Variants in COL4A1 observed in about 807,000 individuals in gnomAD.
COL4A1 encodes collagen alpha-1(IV) chain.
A neutral mutation model predicts 216.6 loss-of-function variants in COL4A1; 40 were observed. That is an observed-to-expected ratio of 0.18 (90% CI 0.14 to 0.24). The LOEUF (loss-of-function observed/expected upper bound fraction) is 0.24. COL4A1 is among the 10% of genes least tolerant of loss of function. The pLI is 1.00. For synonymous variants in COL4A1, 839 were observed against 810.7 expected, an observed-to-expected ratio of 1.03 and a Z score of -0.59; for missense variants, 1,628 against 2,196.8, an observed-to-expected ratio of 0.74 and a Z score of 5.18.
intron 12 of COL4A1, among the ~76,000 whole-genome samples, chr13:110,208,079 T>A (rs1326865354): frequency 6.6e-6 from 1 of 152,234 alleles, no homozygotes; most frequent in Non-Finnish European, 1.5e-5. Context: ...TGGTTGTAAT[T>A]GCCTCCACCA....
chr13:110,262,596 A>G (rs977085187), intron 1 of COL4A1, among the ~76,000 whole-genome samples: 8 of 152,218 alleles, frequency 5.3e-5, no homozygotes, highest in Non-Finnish European at 1.0e-4. Context: ...AGTGCTTTTC[A>G]TCCCACATTC....
chr13:110,228,169 C>A (rs576233218), intron 2 of COL4A1, among the ~76,000 whole-genome samples: 33 of 151,070 alleles, frequency 2.2e-4, no homozygotes, highest in Non-Finnish European at 3.7e-4. Flanking sequence ...TAAAATCACC[C>A]ACATGCTTCC....
At chr13:110,197,521 T>G (rs891995429) in intron 21 of COL4A1, among the ~76,000 whole-genome samples, 2 of 152,152 alleles carry the variant, frequency 1.3e-5, no homozygotes, top group African/African-American at 2.4e-5. Flanking sequence ...TATTTTATCT[T>G]CATTTCCCAT....
chr13:110,242,960 TC>T lies in COL4A1; in HGVS notation c.85-227del, dbSNP rs146789274. Among the ~76,000 whole-genome samples the T allele has an allele frequency of 0.22, 33,792 of 152,100 alleles. 4,333 individuals carry two copies. The highest frequency in any genetic ancestry group is 0.35 in the African/African-American group (14,355 of 41,452). On this transcript the variant is annotated intron_variant, in intron 1 of 51. Transcript: ENST00000375820. ...AAAAAAAATCCTTGAGTAGAACAAATCCCAAGTGTTACTCAGCCCAAAAAGT... is the reference window on the plus strand; with the variant it reads ...AAAAAAAATCCTTGAGTAGAACAAATCCAAGTGTTACTCAGCCCAAAAAGT...
intron 41 of COL4A1, among the ~76,000 whole-genome samples, 192 bp from the exon 42 acceptor site, chr13:110,170,924 C>A (rs1000150998): frequency 6.6e-6 from 1 of 152,204 alleles, no homozygotes; most frequent in African/African-American, 2.4e-5. Context: ...CACTAGAATC[C>A]GACCATGGCC....
At chr13:110,208,725 G>A in intron 12 of COL4A1, 124 bp downstream of exon 12, 1 of 929,164 alleles carries the variant, frequency 1.1e-6, no homozygotes, top group Non-Finnish European at 1.8e-6. Context: ...ACTACCAAAT[G>A]CAAGAACATG....
At position 110,152,477 on chromosome 13, in the gene COL4A1, G is replaced by A. The variant is rs753054366; in HGVS notation, c.4785C>T (p.Gly1595=). 37 of 1,613,268 alleles carry A rather than the reference G, an allele frequency of 2.3e-5. No homozygotes were observed. Among genetic ancestry groups the A allele is most frequent in the Middle Eastern group, 1.7e-4 (1 of 6,004 alleles). ...AGGAGCCGGGGGACGCCAGGGCTTG[G>A]CCAGAGCCTTCTGCACCAGCGCTGG... ...MHTSAGAEGS[G]QALASPGSCL... is the part of the protein sequence containing the mutation. Residue 1595 remains glycine (G), a synonymous_variant, in exon 51 of 52, where the codon GGC becomes GGT. Transcript: ENST00000375820.
At chr13:110,160,421 G>A (rs1281806182) in intron 49 of COL4A1, among the ~76,000 whole-genome samples, 1 of 88,200 alleles carries the variant, frequency 1.1e-5, no homozygotes, top group Non-Finnish European at 2.2e-5. Context: ...CCGCAGTCCG[G>A]CCTGGGTGAC....
Position 110,177,030 on chromosome 13 carries a change from A to G in COL4A1, c.2724T>C (p.His908=), listed in dbSNP as rs749749020. 39 of 1,613,854 alleles carry G rather than the reference A, an allele frequency of 2.4e-5. No homozygotes were observed. Among genetic ancestry groups the G allele is most frequent in the Non-Finnish European group, 2.8e-5 (33 of 1,180,022 alleles). Residue 908 remains histidine (H), a synonymous_variant, in exon 34 of 52, where the codon CAT becomes CAC. Coordinates refer to ENST00000375820, the MANE Select transcript of COL4A1 (RefSeq NM_001845.6). ...APGLPGEKGD[H]GFPGSSGPRG... ...TGGGTCCTGAGGAGCCCGGAAAGCCATGGTCCCCTGCAGAGGAAAGAGAAG... is the reference window on the plus strand; with the variant it reads ...TGGGTCCTGAGGAGCCCGGAAAGCCGTGGTCCCCTGCAGAGGAAAGAGAAG...
In COL4A1 at chr13:110,209,354, A is replaced by T. The variant is rs780536526; in HGVS notation, c.651+38T>A. On this transcript the variant is annotated intron_variant, in intron 11 of 51. Coordinates refer to ENST00000375820, the MANE Select transcript of COL4A1 (RefSeq NM_001845.6). ...TATAGCAATTTCATGATAGCCTTAT[A>T]CTAATGCCAAAGAACAAAAAATGAA... 19 of 1,597,858 alleles carry T rather than the reference A, an allele frequency of 1.2e-5. No homozygotes were observed. In the South Asian group the frequency reaches 2.1e-4, roughly 18 times the overall value.
intron 41 of COL4A1, among the ~76,000 whole-genome samples, chr13:110,171,141 C>G (rs1877625105): frequency 2.6e-5 from 4 of 152,232 alleles, no homozygotes; most frequent in Admixed American, 2.6e-4. Flanking sequence ...ACTACTCAGC[C>G]ATAGAAAGAA....
At chr13:110,267,056 C>T (rs140226420) in intron 1 of COL4A1, among the ~76,000 whole-genome samples, 1 of 152,288 alleles carries the variant, frequency 6.6e-6, no homozygotes, top group Non-Finnish European at 1.5e-5. Context: ...AAATGTGAAG[C>T]AAGCCTTTTT....
At chr13:110,236,719 T>C (rs2139238604) in intron 2 of COL4A1, among the ~76,000 whole-genome samples, 1 of 152,356 alleles carries the variant, frequency 6.6e-6, no homozygotes, top group East Asian at 1.9e-4. Context: ...AGGCAGGGGC[T>C]GTGGGGTGAC....
At chr13:110,250,752 G>A (rs1295198706) in intron 1 of COL4A1, among the ~76,000 whole-genome samples, 3 of 152,182 alleles carry the variant, frequency 2.0e-5, no homozygotes, top group South Asian at 4.1e-4. Context: ...GACCTGGGGC[G>A]AGCCTTCCCG....
At position 110,207,311 on chromosome 13, in the gene COL4A1, G is replaced by T; in HGVS notation, c.780+92C>A. 8.9e-7 allele frequency: 1 copy of T among 1,126,172 alleles called. No individual in the cohort carries two copies. Among genetic ancestry groups the T allele is most frequent in the Non-Finnish European group, 1.4e-6 (1 of 737,122 alleles). 69.8% of individuals were successfully genotyped at this position (1,126,172 alleles called of 1,614,324 possible). A position where few individuals can be genotyped will look rare whatever the true frequency, so the allele number is the denominator to read the frequency against. Reference sequence around the variant, plus strand: ...TTCCAGACCAGGATTGAATGTAGCTGGAAAAACTGAGTTTTGACCCATTTT... The same window carrying T: ...TTCCAGACCAGGATTGAATGTAGCTTGAAAAACTGAGTTTTGACCCATTTT... On this transcript the variant is annotated intron_variant, in intron 13 of 51. Coordinates refer to ENST00000375820, the MANE Select transcript of COL4A1 (RefSeq NM_001845.6). The surrounding 1 kb of genome is among the most constrained non-coding windows in gnomAD (Gnocchi z 4.4).
intron 1 of COL4A1, among the ~76,000 whole-genome samples, chr13:110,261,227 C>G (rs986242382): frequency 3.3e-5 from 5 of 152,120 alleles, no homozygotes; most frequent in Non-Finnish European, 7.4e-5. Flanking sequence ...GGAATGGAGC[C>G]CCCACACACC....
intron 1 of COL4A1, among the ~76,000 whole-genome samples, chr13:110,285,042 G>A (rs965593315): frequency 9.2e-5 from 14 of 152,226 alleles, no homozygotes; most frequent in Non-Finnish European, 5.9e-5. Context: ...CACAGGGGAT[G>A]GCCGTCAGTC....
chr13:110,206,795 G>A, intron 14 of COL4A1, 70 bp downstream of exon 14: 1 of 1,605,652 alleles, frequency 6.2e-7, no homozygotes, highest in Non-Finnish European at 8.5e-7. Flanking sequence ...AACTTAAGGT[G>A]AAAAAAACTT....
At chr13:110,305,366 G>A (rs1180397663) in intron 1 of COL4A1, among the ~76,000 whole-genome samples, 1 of 152,224 alleles carries the variant, frequency 6.6e-6, no homozygotes, top group Non-Finnish European at 1.5e-5. Context: ...TTGCGTAACT[G>A]AGTGGTTCTT....
Sources: gnomAD v4.1 joint callset for allele counts (sites outside exome capture counted in the v4.1 genomes callset) on GRCh38, gnomAD v4.1.1 for gene constraint, Gnocchi (gnomAD v3.1) non-coding constraint, MANE v1.5 for transcripts, NCBI Gene and HGNC (gene_info 2026-07-23, HGNC 2026-07-21) for gene names.